Variants in CYFIP1 observed in about 807,000 individuals in gnomAD.
CYFIP1 encodes cytoplasmic FMR1-interacting protein 1.
Under a neutral mutation model 163.5 loss-of-function variants are expected in CYFIP1, and 58 were observed. The observed-to-expected ratio is 0.35, with a 90% CI of 0.29 to 0.44. The LOEUF is 0.44. Ranked by LOEUF, CYFIP1 falls within the 20% of genes least tolerant of loss-of-function variation. The pLI is 1.00. For synonymous variants in CYFIP1, 663 were observed against 660.7 expected, an observed-to-expected ratio of 1.00 and a Z score of -0.05; for missense variants, 1,338 against 1,653.8, an observed-to-expected ratio of 0.81 and a Z score of 3.31.
chr15:22,918,971 C>A, intron 13 of CYFIP1, 113 bp from the exon 14 acceptor site: 1 of 804,836 alleles, frequency 1.2e-6, no homozygotes. Context: ...TACGCCCTCC[C>A]GCGTTCGTGC....
intron 23 of CYFIP1, among the ~76,000 whole-genome samples, chr15:22,891,601 G>A (rs2060084292): frequency 1.3e-5 from 2 of 152,178 alleles, no homozygotes; most frequent in Admixed American, 1.3e-4. Context: ...TAAAAAGGCC[G>A]CCCCCGGCCC....
intron 26 of CYFIP1, among the ~76,000 whole-genome samples, chr15:22,876,817 G>A (rs914125261): frequency 4.3e-5 from 6 of 140,512 alleles, no homozygotes; most frequent in African/African-American, 7.7e-5. Context: ...GGCAACAAGC[G>A]TGAAACTCCA....
chr15:22,878,510 C>T (rs886725202), intron 26 of CYFIP1, among the ~76,000 whole-genome samples: 9 of 151,966 alleles, frequency 5.9e-5, no homozygotes, highest in African/African-American at 2.2e-4. Context: ...TCCTCTGCCT[C>T]TCACATTATA....
Position 22,908,961 on chromosome 15 carries a change from T to C in CYFIP1, c.2388+233A>G, listed in dbSNP as rs2060685077. ...ATGTGTTTGTTAAGTCAATTTAGCA[T>C]TGTGAACACTGAGTGTAGGCTTGGT... On this transcript the variant is annotated intron_variant, in intron 21 of 30. Transcript: ENST00000617928. Among the ~76,000 whole-genome samples, 3 of 152,212 alleles carry C rather than the reference T, an allele frequency of 2.0e-5. 1 individual carries two copies. The highest frequency in any genetic ancestry group is 1.3e-4 in the Admixed American group (2 of 15,290).
intron 28 of CYFIP1, 85 bp from the exon 29 acceptor site, chr15:22,873,814 C>G: frequency 8.1e-7 from 1 of 1,229,098 alleles, no homozygotes; most frequent in South Asian, 1.4e-5. Flanking sequence ...TCTCTTGAGA[C>G]AGGGTCTTGC....
chr15:22,923,253 G>A (rs1196382782), intron 13 of CYFIP1, among the ~76,000 whole-genome samples: 1 of 152,122 alleles, frequency 6.6e-6, no homozygotes, highest in Non-Finnish European at 1.5e-5. Flanking sequence ...ATAAGGAACT[G>A]TTACAACTCA....
rs766177290 is a variant in CYFIP1 at position 22,931,686 on chromosome 15, G to GAAAAA, written c.1110+532_1110+536dup. On this transcript the variant is annotated intron_variant, in intron 11 of 30. Transcript: ENST00000617928. ...CTTGGGATCCCTATAATGTTTTTCT[G>GAAAAA]AAAAAAAAAAAAAAAAAAAAAAAAG... Among the ~76,000 whole-genome samples the GAAAAA allele has an allele frequency of 1.4e-3, 54 of 39,700 alleles. 3 individuals are homozygous for GAAAAA. The highest frequency in any genetic ancestry group is 0.033 in the Middle Eastern group (1 of 30). The allele number at this position is 39,700 out of a possible 152,430, so 26.0% of individuals were successfully genotyped here. A position where few individuals can be genotyped will look rare whatever the true frequency, so the allele number is the denominator to read the frequency against.
At chr15:22,958,930 G>A (rs1169769098) in intron 1 of CYFIP1, among the ~76,000 whole-genome samples, 1 of 152,200 alleles carries the variant, frequency 6.6e-6, no homozygotes, top group Non-Finnish European at 1.5e-5. Context: ...GTATTCCACA[G>A]AATAAAGTCT....
chr15:22,953,022 T>G lies in CYFIP1; in HGVS notation c.-6-5731A>C, dbSNP rs139995158. On this transcript the variant is annotated intron_variant, in intron 1 of 30. Coordinates refer to ENST00000617928, the MANE Select transcript of CYFIP1 (RefSeq NM_014608.6). ...CTCCCACATCCGCCTTGGTGTGTGA[T>G]GCCAAGCAGCTGTCACCGCACGCAC... Among the ~76,000 whole-genome samples the G allele has an allele frequency of 6.3e-3, 967 of 152,348 alleles. 14 individuals carry two copies. Among genetic ancestry groups the G allele is most frequent in the African/African-American group, 0.021 (881 of 41,582 alleles).
In CYFIP1 at chr15:22,872,163, C is replaced by T. The variant is rs562696769; in HGVS notation, c.3597+662G>A. ...TACAAAAATCAGCCGGGCGTGGTGG[C>T]AGGTGCCTATAATCCCAGCTACTCG... is the stretch of plus-strand genomic sequence containing the variant. On this transcript the variant is annotated intron_variant, in intron 30 of 30. Coordinates refer to ENST00000617928, the MANE Select transcript of CYFIP1 (RefSeq NM_014608.6). 5.3e-5 allele frequency among the ~76,000 whole-genome samples: 8 copies of T among 151,888 alleles called. No homozygotes were observed. In the South Asian group the frequency reaches 8.3e-4, roughly 16 times the overall value.
In CYFIP1 at chr15:22,916,350, G is replaced by A. The variant is rs189070665; in HGVS notation, c.1828+127C>T. 3.8e-5 allele frequency: 27 copies of A among 716,760 alleles called. No individual in the cohort carries two copies. The East Asian group carries it at 4.6e-4, about 12-fold the overall frequency. The allele number at this position is 716,760 out of a possible 1,614,324, so 44.4% of individuals were successfully genotyped here. ...CGTACAGCCACCGCCACAGAGGGCA[G>A]GACGAGTCACCGTCTGGGTGCACCA... On this transcript the variant is annotated intron_variant, in intron 16 of 30. Coordinates refer to ENST00000617928, the MANE Select transcript of CYFIP1 (RefSeq NM_014608.6).
At chr15:22,872,033 C>A (rs1471981480) in intron 30 of CYFIP1, among the ~76,000 whole-genome samples, 1 of 152,106 alleles carries the variant, frequency 6.6e-6, no homozygotes, top group Admixed American at 6.5e-5. Context: ...CGCCTGTAAT[C>A]CTAGCACTTT....
intron 13 of CYFIP1, among the ~76,000 whole-genome samples, chr15:22,921,914 AG>A (rs746222096): frequency 1.1e-4 from 16 of 152,312 alleles, no homozygotes; most frequent in Non-Finnish European, 2.1e-4. Flanking sequence ...AGAGTCCAGA[AG>A]TTAACTTACA....
chr15:22,954,644 G>C (rs922057848), intron 1 of CYFIP1, among the ~76,000 whole-genome samples: 1 of 152,122 alleles, frequency 6.6e-6, no homozygotes, highest in Non-Finnish European at 1.5e-5. Flanking sequence ...AACATAAAGA[G>C]ATGTTTTTTC....
intron 1 of CYFIP1, among the ~76,000 whole-genome samples, chr15:22,961,975 T>C (rs2062696454): frequency 6.6e-6 from 1 of 152,190 alleles, no homozygotes; most frequent in Non-Finnish European, 1.5e-5. Flanking sequence ...GGAAGAAGTC[T>C]GCCAGCCCAG....
In CYFIP1 at chr15:22,916,633, G is replaced by A. The variant is rs1842494936; in HGVS notation, c.1675-3C>T. The A allele has an allele frequency of 6.2e-7, 1 of 1,614,042 alleles. No homozygotes were observed. The highest frequency in any genetic ancestry group is 8.5e-7 in the Non-Finnish European group (1 of 1,180,000). ...AGCATGGTTCTCACCATGTAAAGCT[G>A]GATTATCCAAGGAAACATTTGTGGG... On this transcript the variant is annotated splice_polypyrimidine_tract_variant and splice_region_variant and intron_variant, in intron 15 of 30. Coordinates refer to ENST00000617928, the MANE Select transcript of CYFIP1 (RefSeq NM_014608.6).
chr15:22,927,131 G>C (rs528419535), intron 12 of CYFIP1, among the ~76,000 whole-genome samples: 1 of 152,192 alleles, frequency 6.6e-6, no homozygotes, highest in Admixed American at 6.5e-5. Flanking sequence ...GAGGCCAGGA[G>C]TTTGAGACCA....
At chr15:22,932,492 C>T (rs537400070) in intron 10 of CYFIP1, 152 bp from the exon 11 acceptor site, 3 of 513,056 alleles carry the variant, frequency 5.8e-6, no homozygotes, top group Non-Finnish European at 6.9e-6. Context: ...GAAGCATATC[C>T]GAAGGAGACC....
In CYFIP1 at chr15:22,973,311, CAAAAAAAAAAA is replaced by C. The variant is rs397761069; in HGVS notation, c.-7+6965_-7+6975del. Among the ~76,000 whole-genome samples the C allele has an allele frequency of 4.2e-5, 3 of 71,786 alleles. No individual in the cohort carries two copies. In the South Asian group the frequency reaches 2.0e-3, roughly 48 times the overall value. 47.1% of individuals were successfully genotyped at this position (71,786 alleles called of 152,430 possible). A position where few individuals can be genotyped will look rare whatever the true frequency, so the allele number is the denominator to read the frequency against. ...CCTGGGTGACAGAACGAGACCTTGT[CAAAAAAAAAAA>C]AAAAAAAAAAAAAGGGAGAAGAAAC... On this transcript the variant is annotated intron_variant, in intron 1 of 30. Transcript: ENST00000617928.
Sources: gnomAD v4.1 joint callset for allele counts (sites outside exome capture counted in the v4.1 genomes callset) on GRCh38, gnomAD v4.1.1 for gene constraint, MANE v1.5 for transcripts, NCBI Gene and HGNC (gene_info 2026-07-23, HGNC 2026-07-21) for gene names.